The following KLRG1 variants were observed in gnomAD, a reference collection of about 807,000 sequenced individuals.
KLRG1 encodes the protein killer cell lectin-like receptor subfamily G member 1.
In KLRG1, 16 loss-of-function variants were observed where a neutral mutation model predicts 21.8. That is an observed-to-expected ratio of 0.73 (90% CI 0.50 to 1.11). KLRG1 has a LOEUF of 1.11. KLRG1 is among the 50% of genes most tolerant of loss of function. The pLI, the probability that KLRG1 is intolerant of heterozygous loss-of-function variation, is 0.00. For missense variants in KLRG1, 173 were observed against 218.3 expected (o/e 0.79, Z 1.31); for synonymous variants, 69 against 75.9 (o/e 0.91, Z 0.47).
chr12:9,151,637 C>T, the KLRG1 span: 16 of 1,613,770 alleles, frequency 9.9e-6, no homozygotes, highest in African/African-American at 1.6e-4. Flanking sequence ...GGTTGTTGCT[C>T]ACTTCTGTCC....
chr12:8,959,467 G>A (rs1400790751), intron 1 of KLRG1, among the ~76,000 whole-genome samples: 1 of 152,160 alleles, frequency 6.6e-6, no homozygotes. Context: ...CCAATCCGTT[G>A]TTTCAGTTCT....
chr12:9,130,849 T>C, the KLRG1 span, among the ~76,000 whole-genome samples: 1 of 152,172 alleles, frequency 6.6e-6, no homozygotes, highest in African/African-American at 2.4e-5. Flanking sequence ...GTGCTTTTGG[T>C]GTCATATCTA....
the KLRG1 span, among the ~76,000 whole-genome samples, chr12:9,205,417 G>T: frequency 6.6e-6 from 1 of 152,138 alleles, no homozygotes; most frequent in East Asian, 1.9e-4. Context: ...TTGTTAAGCT[G>T]TCTCTGTATT....
chr12:9,049,447 A>G, the KLRG1 span, among the ~76,000 whole-genome samples: 1 of 152,280 alleles, frequency 6.6e-6, no homozygotes, highest in Non-Finnish European at 1.5e-5. Flanking sequence ...TTTTATTTAC[A>G]AAAAATAAAG....
the KLRG1 span, among the ~76,000 whole-genome samples, chr12:9,193,667 C>G: frequency 1.3e-5 from 2 of 152,026 alleles, no homozygotes. Flanking sequence ...AGCATGAAAA[C>G]TTTTTAGCTA....
chr12:9,060,244 G>A, the KLRG1 span, among the ~76,000 whole-genome samples: 2 of 151,148 alleles, frequency 1.3e-5, no homozygotes, highest in African/African-American at 2.4e-5. Context: ...GGATGGTCTC[G>A]ATCTCCTGAC....
chr12:8,951,230 T>G (rs1946197798), intron 1 of KLRG1, among the ~76,000 whole-genome samples: 1 of 152,032 alleles, frequency 6.6e-6, no homozygotes, highest in African/African-American at 2.4e-5. Context: ...CCCAGCACTT[T>G]GGGATTCCGG....
chr12:8,995,831 T>C (rs948448311), intron 3 of KLRG1, among the ~76,000 whole-genome samples: 4 of 151,986 alleles, frequency 2.6e-5, no homozygotes, highest in Non-Finnish European at 5.9e-5. Flanking sequence ...TACAGGCGTG[T>C]GCCACCATGC....
chr12:8,978,656 C>A (rs1328665951), intron 1 of KLRG1, among the ~76,000 whole-genome samples: 1 of 147,392 alleles, frequency 6.8e-6, no homozygotes, highest in African/African-American at 2.6e-5. Flanking sequence ...TTCTTTCTTT[C>A]TTTCTTTCTT....
At chr12:9,086,384 C>T in the KLRG1 span, among the ~76,000 whole-genome samples, 1 of 152,082 alleles carries the variant, frequency 6.6e-6, no homozygotes, top group South Asian at 2.1e-4. Flanking sequence ...ACCAACCAAC[C>T]AACCACACGA....
the KLRG1 span, chr12:9,157,931 G>A: frequency 9.3e-7 from 1 of 1,070,692 alleles, no homozygotes; most frequent in Non-Finnish European, 1.4e-6. Context: ...CTCAGTATCT[G>A]TTTCCATTCA....
chr12:9,189,291 A>G, the KLRG1 span, among the ~76,000 whole-genome samples: 3 of 152,346 alleles, frequency 2.0e-5, no homozygotes, highest in Middle Eastern at 0.01. Context: ...GTACTTGTAC[A>G]AAAACAGACA....
the KLRG1 span, among the ~76,000 whole-genome samples, chr12:9,025,508 A>G: frequency 3.9e-5 from 6 of 152,140 alleles, no homozygotes; most frequent in African/African-American, 1.4e-4. Context: ...ACGTTAGCAC[A>G]TGCCTGTAGT....
At chr12:8,970,268 T>G (rs762926359) in intron 1 of KLRG1, among the ~76,000 whole-genome samples, 1 of 152,258 alleles carries the variant, frequency 6.6e-6, no homozygotes, top group Admixed American at 6.5e-5. Context: ...TGGCTGCTTT[T>G]GTACTATAGT....
chr12:9,112,426 A>T, the KLRG1 span: 13 of 1,613,868 alleles, frequency 8.1e-6, no homozygotes, highest in Non-Finnish European at 1.0e-5. Context: ...CAAAGACCAG[A>T]CTGTCCTCGT....
At chr12:9,171,495 C>T in the KLRG1 span, among the ~76,000 whole-genome samples, 2 of 152,156 alleles carry the variant, frequency 1.3e-5, no homozygotes, top group East Asian at 1.9e-4. Context: ...GGCACAGAAC[C>T]GGGCTGAGGC....
chr12:9,061,769 C>T, the KLRG1 span, among the ~76,000 whole-genome samples: 1 of 152,036 alleles, frequency 6.6e-6, no homozygotes, highest in African/African-American at 2.4e-5. Flanking sequence ...TCTTCATTGT[C>T]CACATCGGTG....
the KLRG1 span, among the ~76,000 whole-genome samples, chr12:9,059,633 C>G: frequency 6.6e-6 from 1 of 152,146 alleles, no homozygotes; most frequent in South Asian, 2.1e-4. Context: ...AGTTAAGGTT[C>G]AACATAAGCC....
At chr12:9,018,082 T>C in the KLRG1 span, among the ~76,000 whole-genome samples, 1 of 152,140 alleles carries the variant, frequency 6.6e-6, no homozygotes, top group African/African-American at 2.4e-5. Flanking sequence ...GTGAAAACTG[T>C]AAGACATTGA....
Sources: allele counts gnomAD v4.1 joint callset (sites outside exome capture counted in the v4.1 genomes callset), GRCh38; gene constraint gnomAD v4.1.1; transcripts MANE v1.5; gene names NCBI Gene and HGNC (gene_info 2026-07-23, HGNC 2026-07-21).